NUP133: variants seen among roughly 807,000 people sequenced by gnomAD.
The protein encoded by NUP133 is nucleoporin 133.
Under a neutral mutation model 146.2 loss-of-function variants are expected in NUP133, and 66 were observed. The observed-to-expected ratio is 0.45, with a 90% CI of 0.37 to 0.55. NUP133 has a LOEUF of 0.55. Ranked by LOEUF, NUP133 falls within the 20% of genes least tolerant of loss-of-function variation. NUP133 has a pLI of 0.00. For synonymous variants in NUP133, 521 were observed against 498.8 expected, an observed-to-expected ratio of 1.04 and a Z score of -0.59; for missense variants, 1,277 against 1,374.8, an observed-to-expected ratio of 0.93 and a Z score of 1.12.
chr1:229,479,496 T>C (rs902626244), intron 12 of NUP133, among the ~76,000 whole-genome samples: 1 of 152,202 alleles, frequency 6.6e-6, no homozygotes, highest in East Asian at 1.9e-4. Flanking sequence ...CAGTACTATA[T>C]GCAATTTCAG....
At chr1:229,487,134 G>A (rs1228890056) in intron 10 of NUP133, among the ~76,000 whole-genome samples, 1 of 152,052 alleles carries the variant, frequency 6.6e-6, no homozygotes, top group African/African-American at 2.4e-5. Flanking sequence ...TTATCTAGGG[G>A]TGTGGAAAAG....
At chr1:229,471,591 C>G (rs988277464) in intron 14 of NUP133, among the ~76,000 whole-genome samples, 2 of 152,204 alleles carry the variant, frequency 1.3e-5, no homozygotes, top group African/African-American at 4.8e-5. Context: ...TGGTGCCCAT[C>G]TGTCCTGTGT....
intron 10 of NUP133, 109 bp downstream of exon 10, chr1:229,487,357 G>T (rs425332): frequency 9.0e-7 from 1 of 1,114,392 alleles, no homozygotes; most frequent in Non-Finnish European, 1.3e-6. Context: ...AAATGTCTCA[G>T]AAACATTTGA....
intron 24 of NUP133, 33 bp downstream of exon 24, chr1:229,449,092 TA>T (rs1660382787): frequency 1.9e-6 from 3 of 1,538,790 alleles, no homozygotes; most frequent in Non-Finnish European, 2.7e-6. Context: ...GCAGTTTCTA[TA>T]CTTTCCAAAG....
intron 19 of NUP133, among the ~76,000 whole-genome samples, chr1:229,461,979 G>A (rs1315330227): frequency 1.3e-5 from 2 of 151,988 alleles, no homozygotes; most frequent in African/African-American, 2.4e-5. Context: ...CTCCTTTTGG[G>A]TTCAAGGGAT....
At chr1:229,447,023 T>A (rs138018009) in intron 24 of NUP133, among the ~76,000 whole-genome samples, 1 of 150,950 alleles carries the variant, frequency 6.6e-6, no homozygotes, top group African/African-American at 2.4e-5. Context: ...ACTCGGGAGG[T>A]TGAAGCAGGA....
intron 14 of NUP133, among the ~76,000 whole-genome samples, chr1:229,473,653 G>C (rs1328077399): frequency 6.6e-6 from 1 of 152,208 alleles, no homozygotes; most frequent in African/African-American, 2.4e-5. Flanking sequence ...ACTGGGCACA[G>C]TGGCTCACAC....
At chr1:229,485,444 T>C (rs1422100105) in intron 11 of NUP133, among the ~76,000 whole-genome samples, 1 of 152,008 alleles carries the variant, frequency 6.6e-6, no homozygotes, top group African/African-American at 2.4e-5. Context: ...AAGTCACATA[T>C]GAAAGGAAAG....
chr1:229,445,430 CCT>C (rs1218213611), intron 24 of NUP133, among the ~76,000 whole-genome samples: 2 of 152,172 alleles, frequency 1.3e-5, no homozygotes, highest in African/African-American at 4.8e-5. Flanking sequence ...GTTCCTCCCA[CCT>C]CAGCCTCCCG....
At chr1:229,504,719 A>C (rs1274610082) in intron 2 of NUP133, among the ~76,000 whole-genome samples, 1 of 152,202 alleles carries the variant, frequency 6.6e-6, no homozygotes, top group African/African-American at 2.4e-5. Context: ...AACAGGACTG[A>C]ATTTTGCATA....
chr1:229,502,666 T>C (rs1486941516), intron 2 of NUP133, among the ~76,000 whole-genome samples: 1 of 150,830 alleles, frequency 6.6e-6, no homozygotes, highest in African/African-American at 2.4e-5. Flanking sequence ...ACAGACCAGA[T>C]AGCTTATTTC....
chr1:229,504,365 G>A (rs1373241798), intron 2 of NUP133, among the ~76,000 whole-genome samples: 1 of 152,056 alleles, frequency 6.6e-6, no homozygotes, highest in African/African-American at 2.4e-5. Flanking sequence ...AAATCACAAA[G>A]ATCTAGAATT....
chr1:229,502,141 A>G (rs767474301), intron 2 of NUP133, 39 bp from the exon 3 acceptor site: 2 of 1,420,916 alleles, frequency 1.4e-6, no homozygotes, highest in Non-Finnish European at 2.0e-6. Context: ...ATCTTATAGT[A>G]TAAATCTTTA....
At chr1:229,504,539 T>C (rs900553002) in intron 2 of NUP133, among the ~76,000 whole-genome samples, 26 of 152,212 alleles carry the variant, frequency 1.7e-4, no homozygotes, top group African/African-American at 6.3e-4. Flanking sequence ...CTTCTAAAGG[T>C]ACACCACGAC....
intron 6 of NUP133, among the ~76,000 whole-genome samples, chr1:229,497,591 G>C (rs998349790): frequency 6.6e-6 from 1 of 152,170 alleles, no homozygotes; most frequent in Admixed American, 6.5e-5. Flanking sequence ...CCTTGCTGAG[G>C]GTGCTTCCTC....
chr1:229,495,687 T>C, intron 7 of NUP133, 122 bp from the exon 8 acceptor site: 2 of 890,864 alleles, frequency 2.2e-6, no homozygotes, highest in South Asian at 1.7e-5. Flanking sequence ...AATGTATACA[T>C]TAAAAAAAAA....
In NUP133 at chr1:229,460,660, T is replaced by C. The variant is rs1430737615; in HGVS notation, c.2795A>G (p.His932Arg). 6.2e-7 allele frequency: 1 copy of C among 1,614,160 alleles called. No homozygotes were observed. Among genetic ancestry groups the C allele is most frequent in the Admixed American group, 1.7e-5 (1 of 60,022 alleles). ...HGQLANFLQAHEHLSWLHEIN... is the reference protein window; with the variant it reads ...HGQLANFLQAREHLSWLHEIN... ...TTCATGTAACCAGCTGAGATGTTCATGAGCTTGCAAAAAATTTGCCAACTG... is the reference window on the plus strand; with the variant it reads ...TTCATGTAACCAGCTGAGATGTTCACGAGCTTGCAAAAAATTTGCCAACTG... The change falls in exon 20 of 26, where the codon CAT becomes CGT. Residue 932 changes from histidine to arginine, a missense_variant. His to Arg is a conservative substitution (Grantham distance 29, BLOSUM62 0). Coordinates refer to ENST00000261396, the MANE Select transcript of NUP133 (RefSeq NM_018230.3).
intron 10 of NUP133, among the ~76,000 whole-genome samples, chr1:229,487,037 TGC>T (rs1661369133): frequency 6.6e-6 from 1 of 152,078 alleles, no homozygotes; most frequent in South Asian, 2.1e-4. Flanking sequence ...CTCTGTCCTC[TGC>T]CCAACCCCTT....
intron 2 of NUP133, among the ~76,000 whole-genome samples, chr1:229,505,565 A>T (rs939176903): frequency 2.2e-4 from 15 of 69,516 alleles, no homozygotes; most frequent in African/African-American, 6.5e-4. Context: ...AATTACAGTT[A>T]AAAAAAAAAA....
Sources: allele counts gnomAD v4.1 joint callset (sites outside exome capture counted in the v4.1 genomes callset), GRCh38; gene constraint gnomAD v4.1.1; transcripts MANE v1.5; gene names NCBI Gene and HGNC (gene_info 2026-07-23, HGNC 2026-07-21).